JHY: variants seen among roughly 807,000 people sequenced by gnomAD.
JHY encodes the protein jhy protein homolog.
In JHY, 69 loss-of-function variants were observed where a neutral mutation model predicts 78.0. The ratio of observed to expected loss-of-function variants is 0.88; its 90% CI spans 0.73 to 1.08. JHY has a LOEUF of 1.08. JHY is among the 50% of genes least tolerant of loss of function. The probability of loss-of-function intolerance (pLI) is 0.00; values close to 1 mark genes in which losing one functional copy is unlikely to be tolerated. For synonymous variants in JHY, 368 were observed against 342.6 expected (o/e 1.07, Z -0.82); for missense variants, 944 against 927.8 (o/e 1.02, Z -0.23).
rs1555056546 is a variant in JHY, at chr11:122,934,533, CAA to C, written c.1093_1094del (p.Lys365AspfsTer6). ...HQPSRRPAKL[K>X]IRKQCKHQNG... ...AACCTTCCAGAAGACCAGCCAAGCTCAAGATTCGAAAGCAGTGTAAACACCAG... is the reference window on the plus strand; with the variant it reads ...AACCTTCCAGAAGACCAGCCAAGCTCGATTCGAAAGCAGTGTAAACACCAG... On this transcript the variant is annotated frameshift_variant, in exon 5 of 9. Transcript: ENST00000227349. LOFTEE classifies it high-confidence loss of function. The C allele has an allele frequency of 6.2e-7, 1 of 1,613,914 alleles. No homozygotes were observed. The highest frequency in any genetic ancestry group is 8.5e-7 in the Non-Finnish European group (1 of 1,180,022).
chr11:122,903,536 T>G (rs1434660467), intron 2 of JHY, among the ~76,000 whole-genome samples: 1 of 152,168 alleles, frequency 6.6e-6, no homozygotes, highest in Non-Finnish European at 1.5e-5. Context: ...TGGAGTGCAG[T>G]GTCGTGATTA....
intron 7 of JHY, among the ~76,000 whole-genome samples, chr11:122,956,882 G>C (rs1365541761): frequency 6.6e-6 from 1 of 152,162 alleles, no homozygotes; most frequent in African/African-American, 2.4e-5. Flanking sequence ...TTTCCTACTA[G>C]AGTTATCTTG....
At chr11:122,928,553 G>GA (rs370330908) in intron 4 of JHY, among the ~76,000 whole-genome samples, 1,871 of 136,260 alleles carry the variant, frequency 0.014, 28 homozygotes, top group East Asian at 0.046. Flanking sequence ...AAGATACGGG[G>GA]AAAAAAAAAA....
intron 4 of JHY, among the ~76,000 whole-genome samples, chr11:122,928,978 C>T (rs574994817): frequency 5.3e-4 from 77 of 144,140 alleles, no homozygotes; most frequent in South Asian, 1.8e-3. Flanking sequence ...GAGTTTCACT[C>T]TCGTTACCCA....
intron 3 of JHY, among the ~76,000 whole-genome samples, chr11:122,923,413 C>T (rs1362892344): frequency 1.3e-5 from 2 of 152,148 alleles, no homozygotes; most frequent in African/African-American, 2.4e-5. Flanking sequence ...AGGCAGACAG[C>T]GAGTAAACAT....
At chr11:122,957,624 G>T in intron 8 of JHY, 133 bp downstream of exon 8, 1 of 928,698 alleles carries the variant, frequency 1.1e-6, no homozygotes, top group Non-Finnish European at 1.5e-6. Context: ...TAAACTCCTG[G>T]GCTCAAGCTA....
chr11:122,892,529 A>T (rs1051517696), intron 2 of JHY, among the ~76,000 whole-genome samples: 1 of 152,040 alleles, frequency 6.6e-6, no homozygotes, highest in Non-Finnish European at 1.5e-5. Context: ...TCACCGTGTT[A>T]GTCAGGATGG....
At chr11:122,884,974 ATTTT>A (rs11314367) in intron 1 of JHY, among the ~76,000 whole-genome samples, 1 of 131,778 alleles carries the variant, frequency 7.6e-6, no homozygotes, top group African/African-American at 2.8e-5. Flanking sequence ...AATTTTTTGT[ATTTT>A]TTTTTTTTTT....
chr11:122,952,801 T>G (rs867625832), intron 6 of JHY, among the ~76,000 whole-genome samples: 22 of 152,242 alleles, frequency 1.4e-4, no homozygotes, highest in African/African-American at 5.3e-4. Flanking sequence ...GATTTATGAC[T>G]TGGACATGAG....
chr11:122,951,391 T>A (rs77768384), intron 6 of JHY, among the ~76,000 whole-genome samples: 1 of 152,224 alleles, frequency 6.6e-6, no homozygotes, highest in Admixed American at 6.5e-5. Flanking sequence ...AATTAACTCA[T>A]GTGTTTGTTG....
chr11:122,946,431 T>G (rs1863960065), intron 5 of JHY, 67 bp from the exon 6 acceptor site: 1 of 1,480,094 alleles, frequency 6.8e-7, no homozygotes, highest in Non-Finnish European at 9.0e-7. Context: ...CATAAAGACT[T>G]TTATGCTAGA....
intron 3 of JHY, among the ~76,000 whole-genome samples, chr11:122,913,269 C>T (rs919250387): frequency 6.6e-6 from 1 of 152,124 alleles, no homozygotes; most frequent in Non-Finnish European, 1.5e-5. Flanking sequence ...CAGTATTTAA[C>T]AATTGCATGT....
chr11:122,911,479 A>G (rs1481871959), intron 3 of JHY, among the ~76,000 whole-genome samples: 1 of 152,238 alleles, frequency 6.6e-6, no homozygotes, highest in Non-Finnish European at 1.5e-5. Context: ...GGATATTAAC[A>G]GAAAACAAGA....
At chr11:122,905,373 T>G (rs1862966429) in intron 3 of JHY, 1 of 1,505,578 alleles carries the variant, frequency 6.6e-7, no homozygotes, top group Non-Finnish European at 8.9e-7. Flanking sequence ...TATCACCTGC[T>G]AATGTGAGGT....
intron 2 of JHY, among the ~76,000 whole-genome samples, chr11:122,899,241 T>C (rs1280046724): frequency 6.6e-6 from 1 of 152,226 alleles, no homozygotes; most frequent in Non-Finnish European, 1.5e-5. Flanking sequence ...GCTGAATCAA[T>C]GAATGAGCAA....
chr11:122,919,967 A>G (rs1367704481), intron 3 of JHY, among the ~76,000 whole-genome samples: 1 of 152,256 alleles, frequency 6.6e-6, no homozygotes, highest in Non-Finnish European at 1.5e-5. Context: ...TTGCCTCTAA[A>G]CAGCTGAATA....
rs1239164888 is a variant in JHY at position 122,960,329 on chromosome 11, G to C, written c.*884G>C. 1.2e-5 allele frequency: 2 copies of C among 165,874 alleles called. No homozygotes were observed. Among genetic ancestry groups the C allele is most frequent in the Non-Finnish European group, 2.7e-5 (2 of 74,706 alleles). The allele number at this position is 165,874 out of a possible 1,614,324, so 10.3% of individuals were successfully genotyped here. A position where few individuals can be genotyped will look rare whatever the true frequency, so the allele number is the denominator to read the frequency against. On this transcript the variant is annotated 3_prime_UTR_variant, in exon 9 of 9. Transcript: ENST00000227349. Reference sequence around the variant, plus strand: ...GGCTGCCTGGGTCTTCGCTGACCATGCTGTCCTGGGTGGCACTTTCTGCCA... The same window carrying C: ...GGCTGCCTGGGTCTTCGCTGACCATCCTGTCCTGGGTGGCACTTTCTGCCA...
intron 8 of JHY, among the ~76,000 whole-genome samples, chr11:122,957,731 G>A (rs3751047): frequency 0.54 from 80,217 of 149,648 alleles, 21,933 homozygotes; most frequent in Non-Finnish European, 0.58. Context: ...TTTTTGGAAC[G>A]CAGGAGATGT....
intron 6 of JHY, 96 bp from the exon 7 acceptor site, chr11:122,956,398 CTT>C: frequency 1.0e-6 from 1 of 962,628 alleles, no homozygotes; most frequent in East Asian, 2.6e-5. Flanking sequence ...TCATTATTTT[CTT>C]TCTTACTTTA....
Sources: allele counts gnomAD v4.1 joint callset (sites outside exome capture counted in the v4.1 genomes callset), GRCh38; gene constraint gnomAD v4.1.1; transcripts MANE v1.5; gene names NCBI Gene and HGNC (gene_info 2026-07-23, HGNC 2026-07-21).